WWOX: variants seen among roughly 807,000 people sequenced by gnomAD.
The protein encoded by WWOX is WW domain containing oxidoreductase.
In WWOX, 69 loss-of-function variants were observed where a neutral mutation model predicts 46.2. The observed-to-expected ratio is 1.49, with a 90% CI of 1.23 to 1.82. The LOEUF is 1.82. WWOX is among the 40% of genes most tolerant of loss of function. The pLI is 0.00. For synonymous variants in WWOX, 359 were observed against 202.6 expected (o/e 1.77, Z -6.56); for missense variants, 919 against 542.6 (o/e 1.69, Z -6.89).
chr16:78,897,999 T>C (rs2044741347), intron 8 of WWOX: 1 of 124,448 alleles, frequency 8.0e-6, no homozygotes, highest in Non-Finnish European at 1.6e-5. Flanking sequence ...GGCCATTTTC[T>C]AAAAATTAGA....
At chr16:78,649,882 C>T (rs1340292913) in intron 8 of WWOX, among the ~76,000 whole-genome samples, 1 of 152,186 alleles carries the variant, frequency 6.6e-6, no homozygotes. Flanking sequence ...GTATAAGGCA[C>T]AGTAGTGGAA....
At chr16:79,078,890 C>T (rs544280925) in intron 8 of WWOX, among the ~76,000 whole-genome samples, 62 of 152,260 alleles carry the variant, frequency 4.1e-4, no homozygotes, top group African/African-American at 1.4e-3. Context: ...AATAGGTGCT[C>T]AATAAATACT....
chr16:78,866,997 A>G (rs922484505), intron 8 of WWOX, among the ~76,000 whole-genome samples: 19 of 152,218 alleles, frequency 1.2e-4, no homozygotes, highest in African/African-American at 3.9e-4. Flanking sequence ...GTGATTTGTC[A>G]TAAACGCTCC....
chr16:78,972,826 G>A (rs2046498121), intron 8 of WWOX, among the ~76,000 whole-genome samples: 1 of 152,120 alleles, frequency 6.6e-6, no homozygotes, highest in African/African-American at 2.4e-5. Context: ...GGCAAACTTA[G>A]AACAGACCCA....
chr16:78,586,929 T>C (rs1003315169), intron 8 of WWOX, among the ~76,000 whole-genome samples: 1 of 152,192 alleles, frequency 6.6e-6, no homozygotes, highest in Non-Finnish European at 1.5e-5. Context: ...TCTCCCACTT[T>C]TCTTAACCCT....
chr16:78,987,847 A>G (rs145343406), intron 8 of WWOX, among the ~76,000 whole-genome samples: 2 of 152,274 alleles, frequency 1.3e-5, no homozygotes, highest in East Asian at 3.9e-4. Context: ...TGCTGTTTAA[A>G]CAGTGAATCA....
intron 8 of WWOX, among the ~76,000 whole-genome samples, chr16:78,831,386 A>G (rs2051819581): frequency 6.6e-6 from 1 of 152,230 alleles, no homozygotes; most frequent in African/African-American, 2.4e-5. Flanking sequence ...TTCACTCAAA[A>G]TATCTGTGTT....
intron 8 of WWOX, among the ~76,000 whole-genome samples, chr16:78,667,440 G>A (rs2047357478): frequency 6.6e-6 from 1 of 152,008 alleles, no homozygotes; most frequent in Non-Finnish European, 1.5e-5. Flanking sequence ...GGAGGCCGAG[G>A]CGGGTGGATC....
intron 8 of WWOX, chr16:78,898,499 T>A (rs2044752659): frequency 1.3e-5 from 2 of 152,258 alleles, no homozygotes; most frequent in African/African-American, 4.8e-5. Flanking sequence ...TTGATCTAAT[T>A]TTTTTTCTTA....
chr16:78,736,789 T>C (rs183671919), intron 8 of WWOX, among the ~76,000 whole-genome samples: 1 of 152,086 alleles, frequency 6.6e-6, no homozygotes, highest in Non-Finnish European at 1.5e-5. Context: ...TAAAAATTTT[T>C]TTAGACACTG....
At chr16:78,885,966 C>G (rs1348145631) in intron 8 of WWOX, among the ~76,000 whole-genome samples, 1 of 142,006 alleles carries the variant, frequency 7.0e-6, no homozygotes. Context: ...GCTCTGTTGC[C>G]CAGGCTGGAG....
rs182616143 is a variant in WWOX, at chr16:79,143,269, G to T, written c.1057-68339G>T. Among the ~76,000 whole-genome samples the T allele has an allele frequency of 1.0e-3, 156 of 152,204 alleles. 1 individual carries two copies. The highest frequency in any genetic ancestry group is 3.6e-3 in the African/African-American group (148 of 41,524). ...AGTCTTTCTCTACACTCTTTTTTGG[G>T]AAGTTCCCAAATCTGTCAGTATATA... On this transcript the variant is annotated intron_variant, in intron 8 of 8. Coordinates refer to ENST00000566780, the MANE Select transcript of WWOX (RefSeq NM_016373.4).
intron 8 of WWOX, among the ~76,000 whole-genome samples, chr16:78,754,593 G>A (rs753122523): frequency 6.6e-6 from 1 of 152,048 alleles, no homozygotes; most frequent in Non-Finnish European, 1.5e-5. Flanking sequence ...TTATCAACCA[G>A]TTGCAGTCTT....
chr16:78,472,464 C>T (rs570435197), intron 8 of WWOX, among the ~76,000 whole-genome samples: 326 of 152,228 alleles, frequency 2.1e-3, no homozygotes, highest in Non-Finnish European at 3.2e-3. Flanking sequence ...TCTTGCTTTT[C>T]TCTAAAGTAT....
intron 5 of WWOX, among the ~76,000 whole-genome samples, chr16:78,236,410 T>C (rs895306339): frequency 6.6e-6 from 1 of 152,206 alleles, no homozygotes; most frequent in African/African-American, 2.4e-5. Flanking sequence ...AGTTTGACAG[T>C]TGGCTTTGCT....
intron 8 of WWOX, among the ~76,000 whole-genome samples, chr16:78,735,680 A>G (rs988580495): frequency 1.3e-5 from 2 of 152,176 alleles, no homozygotes; most frequent in Non-Finnish European, 2.9e-5. Context: ...TCCTGGCGTC[A>G]CCACGGCCAC....
intron 8 of WWOX, among the ~76,000 whole-genome samples, chr16:78,623,703 C>G (rs1306134284): frequency 1.3e-5 from 2 of 150,474 alleles, no homozygotes; most frequent in African/African-American, 4.9e-5. Flanking sequence ...CACTGCACCT[C>G]CAGCCTGGGC....
At chr16:79,114,724 T>G (rs1367333243) in intron 8 of WWOX, among the ~76,000 whole-genome samples, 1 of 152,056 alleles carries the variant, frequency 6.6e-6, no homozygotes, top group Non-Finnish European at 1.5e-5. Context: ...GAACACAGCA[T>G]CCCCTGTCAA....
rs145106032 is a variant in WWOX, at chr16:78,772,745, G to A, written c.1056+339993G>A. ...AAGAACCTAGGTAAGTTGGCTAGGC[G>A]CGGTGGCTCACACCTGTAATCTCAG... is the stretch of plus-strand genomic sequence containing the variant. On this transcript the variant is annotated intron_variant, in intron 8 of 8. Coordinates refer to ENST00000566780, the MANE Select transcript of WWOX (RefSeq NM_016373.4). Among the ~76,000 whole-genome samples, 18 of 152,296 alleles carry A rather than the reference G, an allele frequency of 1.2e-4. No homozygotes were observed. The East Asian group carries it at 1.5e-3, about 13-fold the overall frequency.
Sources: gnomAD v4.1 joint callset for allele counts (sites outside exome capture counted in the v4.1 genomes callset) on GRCh38, gnomAD v4.1.1 for gene constraint, MANE v1.5 for transcripts, NCBI Gene and HGNC (gene_info 2026-07-23, HGNC 2026-07-21) for gene names.